TBC1D9: variants seen among roughly 807,000 people sequenced by gnomAD.
The protein encoded by TBC1D9 is TBC1 domain family member 9A.
A neutral mutation model predicts 132.0 loss-of-function variants in TBC1D9; 63 were observed. The ratio of observed to expected loss-of-function variants is 0.48; its 90% CI spans 0.39 to 0.59. TBC1D9 has a LOEUF of 0.59. TBC1D9 is among the 20% of genes least tolerant of loss of function. TBC1D9 has a pLI of 0.00. For synonymous variants in TBC1D9, 610 were observed against 609.9 expected (o/e 1.00, Z 0.00); for missense variants, 1,261 against 1,592.7 (o/e 0.79, Z 3.54).
chr4:140,700,116 G>A (rs1251933939), intron 2 of TBC1D9, among the ~76,000 whole-genome samples: 1 of 151,478 alleles, frequency 6.6e-6, no homozygotes, highest in Admixed American at 6.6e-5. Flanking sequence ...GGGCAACACA[G>A]AGAGACACCA....
chr4:140,713,427 A>G (rs1293511392), intron 1 of TBC1D9, among the ~76,000 whole-genome samples: 2 of 152,230 alleles, frequency 1.3e-5, no homozygotes, highest in African/African-American at 4.8e-5. Context: ...GGCAGAAATC[A>G]GAAACATTTT....
chr4:140,680,385 A>G (rs1006869140), intron 3 of TBC1D9, among the ~76,000 whole-genome samples: 2 of 152,212 alleles, frequency 1.3e-5, no homozygotes, highest in Non-Finnish European at 2.9e-5. Flanking sequence ...CAAAAATTAT[A>G]TTAGATGCAG....
At chr4:140,631,314 C>T (rs1364013228) in intron 16 of TBC1D9, among the ~76,000 whole-genome samples, 2 of 152,030 alleles carry the variant, frequency 1.3e-5, no homozygotes, top group Admixed American at 6.6e-5. Context: ...CCTCTGCCTC[C>T]CGGGTTCAAG....
intron 13 of TBC1D9, among the ~76,000 whole-genome samples, chr4:140,639,864 A>G (rs1311454530): frequency 6.6e-6 from 1 of 152,252 alleles, no homozygotes; most frequent in Non-Finnish European, 1.5e-5. Flanking sequence ...CATCTGGCCC[A>G]GAAATGCATG....
intron 6 of TBC1D9, among the ~76,000 whole-genome samples, chr4:140,675,498 C>A (rs78029486): frequency 0.017 from 2,541 of 152,220 alleles, 70 homozygotes; most frequent in African/African-American, 0.058. Context: ...CTTTCTCTGA[C>A]ATCCTAACCT....
At chr4:140,656,898 AG>A (rs1229890826) in intron 13 of TBC1D9, among the ~76,000 whole-genome samples, 198 bp downstream of exon 13, 1 of 152,220 alleles carries the variant, frequency 6.6e-6, no homozygotes, top group East Asian at 1.9e-4. Context: ...ACTGCATGCA[AG>A]GTGCCATCTT....
At chr4:140,662,574 C>G (rs1314108414) in intron 9 of TBC1D9, among the ~76,000 whole-genome samples, 1 of 152,172 alleles carries the variant, frequency 6.6e-6, no homozygotes, top group African/African-American at 2.4e-5. Flanking sequence ...AAACTGCCTG[C>G]TAACGTGTTA....
chr4:140,715,337 G>A (rs1283566959), intron 1 of TBC1D9, among the ~76,000 whole-genome samples: 1 of 152,174 alleles, frequency 6.6e-6, no homozygotes, highest in Non-Finnish European at 1.5e-5. Flanking sequence ...CAATCAATCA[G>A]TTGGGGGAGC....
At chr4:140,730,408 A>C (rs1560898640) in intron 1 of TBC1D9, among the ~76,000 whole-genome samples, 2 of 152,196 alleles carry the variant, frequency 1.3e-5, no homozygotes, top group African/African-American at 4.8e-5. Context: ...ATCTGACGGC[A>C]CTGTCTAAAT....
rs1449190831 is a variant in TBC1D9 at position 140,622,697 on chromosome 4, C to A, written c.3299G>T (p.Gly1100Val). ...GIPGVLFPKK[G>V]PGQPYVVESV... ...CTCCACCACGTAAGGCTGGCCTGGC[C>A]CTTTCTTGGGGAAGAGCACGCCTGG... The change falls in exon 21 of 21, where the codon GGG (glycine) becomes GTG (valine). Residue 1100 changes from glycine to valine, a missense_variant. By Grantham distance (109) the Gly-to-Val change is moderately radical (BLOSUM62 -3). Transcript: ENST00000442267. 6.2e-7 allele frequency: 1 copy of A among 1,611,680 alleles called. No homozygotes were observed. Among genetic ancestry groups the A allele is most frequent in the African/African-American group, 1.3e-5 (1 of 75,056 alleles).
chr4:140,748,204 T>G (rs1578866683), intron 1 of TBC1D9, among the ~76,000 whole-genome samples: 1 of 152,042 alleles, frequency 6.6e-6, no homozygotes, highest in Non-Finnish European at 1.5e-5. Flanking sequence ...AATTAGACAA[T>G]GAACCAAACA....
intron 1 of TBC1D9, among the ~76,000 whole-genome samples, chr4:140,732,029 A>G (rs939021847): frequency 3.3e-5 from 5 of 152,152 alleles, no homozygotes; most frequent in Admixed American, 1.3e-4. Context: ...CTCAGAAAGG[A>G]TATCTTTTTC....
Position 140,629,229 on chromosome 4 carries a change from T to C in TBC1D9, c.2747-864A>G, listed in dbSNP as rs112493349. Among the ~76,000 whole-genome samples, 300 of 152,376 alleles carry C rather than the reference T, an allele frequency of 2.0e-3. No homozygotes were observed. The Middle Eastern group carries it at 0.02, about 10-fold the overall frequency. On this transcript the variant is annotated intron_variant, in intron 16 of 20. Transcript: ENST00000442267. The stretch of plus-strand genomic sequence containing the variant: ...GCATTTCATTCCAAGCTGTATTCTT[T>C]AAATACTGAAAGTTCTTCTGTAATT...
chr4:140,705,278 G>A (rs562991618), intron 1 of TBC1D9, among the ~76,000 whole-genome samples: 19 of 152,222 alleles, frequency 1.2e-4, no homozygotes, highest in African/African-American at 2.9e-4. Context: ...TTTTAATGCC[G>A]TCTCATTCCT....
In TBC1D9 at chr4:140,662,114, T is replaced by C. The variant is rs371935219; in HGVS notation, c.1589-7A>G. 92 of 1,609,342 alleles carry C rather than the reference T, an allele frequency of 5.7e-5. No individual in the cohort carries two copies. The highest frequency in any genetic ancestry group is 6.9e-5 in the Non-Finnish European group (81 of 1,175,752). ...GCCTTCTCATTGATGGCACCTGAGA[T>C]ATATCCAACAGATACAGTATCAAAA... On this transcript the variant is annotated splice_polypyrimidine_tract_variant and splice_region_variant and intron_variant, in intron 9 of 20. Transcript: ENST00000442267.
rs202228262 is a variant in TBC1D9, at chr4:140,633,631, A to AT, written c.2746+316dup. On this transcript the variant is annotated intron_variant, in intron 16 of 20. Transcript: ENST00000442267. ...TATAATATATTCAATAAAATATTCTATTTTTTTTTGTCAAATAGTAGTAAT... is the reference window on the plus strand; with the variant it reads ...TATAATATATTCAATAAAATATTCTATTTTTTTTTTGTCAAATAGTAGTAAT... Among the ~76,000 whole-genome samples, 877 of 151,132 alleles carry AT rather than the reference A, an allele frequency of 5.8e-3. 9 individuals carry two copies. Among genetic ancestry groups the AT allele is most frequent in the Non-Finnish European group, 9.1e-3 (617 of 67,708 alleles).
At chr4:140,725,372 A>G (rs1307016039) in intron 1 of TBC1D9, among the ~76,000 whole-genome samples, 1 of 152,138 alleles carries the variant, frequency 6.6e-6, no homozygotes, top group African/African-American at 2.4e-5. Context: ...CAGAGTTCCA[A>G]GTTAAGGAAT....
At chr4:140,750,420 C>G (rs1560904403) in intron 1 of TBC1D9, among the ~76,000 whole-genome samples, 1 of 151,422 alleles carries the variant, frequency 6.6e-6, no homozygotes, top group Non-Finnish European at 1.5e-5. Flanking sequence ...GATAAATTAC[C>G]AGAATTCATT....
chr4:140,630,430 C>T (rs1286672620), intron 16 of TBC1D9, among the ~76,000 whole-genome samples: 1 of 152,086 alleles, frequency 6.6e-6, no homozygotes, highest in Admixed American at 6.6e-5. Context: ...CTTCTCGGAC[C>T]CCTGCTGGTG....
Sources: allele counts gnomAD v4.1 joint callset (sites outside exome capture counted in the v4.1 genomes callset), GRCh38; gene constraint gnomAD v4.1.1; transcripts MANE v1.5; gene names NCBI Gene and HGNC (gene_info 2026-07-23, HGNC 2026-07-21).